CHSY3: variants seen among roughly 807,000 people sequenced by gnomAD.
CHSY3 encodes N-acetylgalactosaminyl-proteoglycan 3-beta-glucuronosyltransferase 3.
A neutral mutation model predicts 67.2 loss-of-function variants in CHSY3; 35 were observed. That is an observed-to-expected ratio of 0.52 (90% CI 0.40 to 0.69). The LOEUF is 0.69. Ranked by LOEUF, CHSY3 falls within the 30% of genes least tolerant of loss-of-function variation. The probability of loss-of-function intolerance (pLI) is 0.00; values close to 1 mark genes in which losing one functional copy is unlikely to be tolerated. For missense variants in CHSY3, 1,069 were observed against 1,138.5 expected, an observed-to-expected ratio of 0.94 and a Z score of 0.88; for synonymous variants, 474 against 434.7, an observed-to-expected ratio of 1.09 and a Z score of -1.12.
chr5:129,943,990 T>A (rs537334402), intron 2 of CHSY3, among the ~76,000 whole-genome samples: 44 of 152,316 alleles, frequency 2.9e-4, no homozygotes, highest in African/African-American at 9.6e-4. Context: ...CCATGCTGCT[T>A]CTCTTCTGTA....
At chr5:129,923,512 A>G (rs948551814) in intron 2 of CHSY3, among the ~76,000 whole-genome samples, 6 of 152,200 alleles carry the variant, frequency 3.9e-5, no homozygotes, top group Admixed American at 6.5e-5. Context: ...AACTTATTTT[A>G]TAATGGGAAA....
At chr5:129,980,689 C>T (rs1762955291) in intron 2 of CHSY3, among the ~76,000 whole-genome samples, 1 of 152,260 alleles carries the variant, frequency 6.6e-6, no homozygotes, top group Non-Finnish European at 1.5e-5. Flanking sequence ...AAAAGGTCAT[C>T]ACCATACCCA....
In CHSY3 at chr5:129,905,417, G is replaced by A; in HGVS notation, c.588G>A (p.Ala196=). 2 of 1,610,136 alleles carry A rather than the reference G, an allele frequency of 1.2e-6. No individual in the cohort carries two copies. The highest frequency in any genetic ancestry group is 1.7e-6 in the Non-Finnish European group (2 of 1,179,316). Residue 196 remains alanine (A), a synonymous_variant, in exon 1 of 3, where the codon GCG becomes GCA. Transcript: ENST00000305031. ...SRALAAQRTW[A]RFIPGRVEFF... ...CGCTGGCCGCGCAGCGGACCTGGGC[G>A]CGTTTCATCCCGGGCCGCGTGGAGT...
chr5:130,075,964 A>G (rs1469875761), intron 2 of CHSY3, among the ~76,000 whole-genome samples: 3 of 152,104 alleles, frequency 2.0e-5, no homozygotes, highest in Admixed American at 6.6e-5. Flanking sequence ...AAGGCTTAAA[A>G]TCTCGGTTAT....
At chr5:130,086,173 T>C (rs866977300) in intron 2 of CHSY3, among the ~76,000 whole-genome samples, 105 of 152,208 alleles carry the variant, frequency 6.9e-4, no homozygotes, top group Middle Eastern at 3.4e-3. Context: ...CTTGTTAACT[T>C]TCTGTCTCGT....
chr5:130,185,054 A>G lies in CHSY3; in HGVS notation c.1912A>G (p.Met638Val), dbSNP rs767365800. The change falls in exon 3 of 3, where the codon ATG becomes GTG. Residue 638 changes from methionine (M) to valine (V), a missense_variant. This residue lies in a region of CHSY3 where 401 missense variants were observed against 395.2 expected (regional missense o/e 1.01). Transcript: ENST00000305031. ...AAGGTATGACATTTTCTTGAGATTC[A>G]TGGAGAACTTTGAAAACATGTGTCT... Reference protein sequence around the residue: ...IGRYDIFLRFMENFENMCLIP... With the variant: ...IGRYDIFLRFVENFENMCLIP... 18 of 1,602,280 alleles carry G rather than the reference A, an allele frequency of 1.1e-5. No homozygotes were observed. Among genetic ancestry groups the G allele is most frequent in the Admixed American group, 1.7e-5 (1 of 59,976 alleles).
chr5:130,083,370 T>C (rs928082568), intron 2 of CHSY3, among the ~76,000 whole-genome samples: 1 of 152,022 alleles, frequency 6.6e-6, no homozygotes, highest in African/African-American at 2.4e-5. Flanking sequence ...TCCTCTTCTG[T>C]TACTTTTAAA....
At chr5:130,133,708 G>GATCACACCAC (rs1768557779) in intron 2 of CHSY3, among the ~76,000 whole-genome samples, 1 of 147,732 alleles carries the variant, frequency 6.8e-6, no homozygotes, top group Non-Finnish European at 1.5e-5. Flanking sequence ...GGAGGCGGAG[G>GATCACACCAC]TTGCAGTGAG....
chr5:129,909,471 C>T lies in CHSY3; in HGVS notation c.1086+1111C>T, dbSNP rs1051090291. ...CTCACTATAGTTAATTTTGCTTTCT[C>T]TTTCATACTTTGTGGTATTTATACT... On this transcript the variant is annotated intron_variant, in intron 2 of 2. Coordinates refer to ENST00000305031, the MANE Select transcript of CHSY3 (RefSeq NM_175856.5). Among the ~76,000 whole-genome samples, 11 of 151,908 alleles carry T rather than the reference C, an allele frequency of 7.2e-5. No homozygotes were observed. In the East Asian group the frequency reaches 2.1e-3, roughly 29 times the overall value.
intron 2 of CHSY3, among the ~76,000 whole-genome samples, chr5:130,049,502 C>T (rs992477668): frequency 1.3e-5 from 2 of 152,160 alleles, no homozygotes; most frequent in Non-Finnish European, 2.9e-5. Flanking sequence ...ACCATATAAG[C>T]AGCTCCTCAA....
chr5:129,921,138 C>A (rs922276249), intron 2 of CHSY3, among the ~76,000 whole-genome samples: 19 of 151,992 alleles, frequency 1.3e-4, no homozygotes, highest in Admixed American at 6.6e-4. Context: ...TTCTTAAGTC[C>A]AGAACTTTCA....
intron 2 of CHSY3, among the ~76,000 whole-genome samples, chr5:130,042,746 G>T (rs555789862): frequency 1.4e-4 from 21 of 152,106 alleles, no homozygotes; most frequent in African/African-American, 4.6e-4. Flanking sequence ...ATTCTTTTTA[G>T]TTTCTCACTC....
chr5:129,945,861 G>A (rs1761838718), intron 2 of CHSY3, among the ~76,000 whole-genome samples: 2 of 152,052 alleles, frequency 1.3e-5, no homozygotes, highest in African/African-American at 2.4e-5. Context: ...TGCCAATAAG[G>A]TTTATAAAAA....
At chr5:129,924,199 C>T (rs944379416) in intron 2 of CHSY3, among the ~76,000 whole-genome samples, 3 of 152,022 alleles carry the variant, frequency 2.0e-5, no homozygotes, top group African/African-American at 7.2e-5. Flanking sequence ...TCCTAGAGAG[C>T]TTCCCCCAAC....
intron 2 of CHSY3, among the ~76,000 whole-genome samples, chr5:129,926,470 T>A (rs191291248): frequency 2.2e-4 from 33 of 152,116 alleles, no homozygotes; most frequent in Admixed American, 2.0e-3. Flanking sequence ...CAGCATAACC[T>A]TGGATTAATT....
At chr5:130,132,651 G>C (rs1226190616) in intron 2 of CHSY3, among the ~76,000 whole-genome samples, 1 of 152,154 alleles carries the variant, frequency 6.6e-6, no homozygotes, top group Non-Finnish European at 1.5e-5. Flanking sequence ...GATTGATACA[G>C]ATAGCCCAGT....
intron 2 of CHSY3, among the ~76,000 whole-genome samples, chr5:130,018,799 G>A (rs560769866): frequency 6.6e-6 from 1 of 152,248 alleles, no homozygotes; most frequent in African/African-American, 2.4e-5. Context: ...GATGGGGGCA[G>A]ACCCCTCATG....
intron 2 of CHSY3, among the ~76,000 whole-genome samples, chr5:129,963,617 G>C (rs908537450): frequency 1.3e-5 from 2 of 151,960 alleles, no homozygotes; most frequent in Admixed American, 6.6e-5. Flanking sequence ...CCTATTTTTA[G>C]TTGTGTTTGG....
chr5:129,918,751 C>CT (rs1760814206), intron 2 of CHSY3, among the ~76,000 whole-genome samples: 1 of 150,956 alleles, frequency 6.6e-6, no homozygotes, highest in East Asian at 2.0e-4. Context: ...TTGTGAAAGG[C>CT]TTTTTATGTA....
Sources: gnomAD v4.1 joint callset for allele counts (sites outside exome capture counted in the v4.1 genomes callset) on GRCh38, gnomAD v4.1.1 for gene constraint, gnomAD v4.1.1 regional missense constraint, MANE v1.5 for transcripts, NCBI Gene and HGNC (gene_info 2026-07-23, HGNC 2026-07-21) for gene names.